Variants in OR7A17 observed in about 807,000 individuals in gnomAD.
OR7A17 encodes olfactory receptor 7A17.
For missense variants in OR7A17, 366 were observed against 365.5 expected (o/e 1.00, Z -0.01); for synonymous variants, 159 against 142.1 (o/e 1.12, Z -0.85).
Position 14,880,498 on chromosome 19 carries a change from G to A in OR7A17, c.858C>T (p.Asn286=). The A allele has an allele frequency of 1.2e-6, 2 of 1,614,076 alleles. No individual in the cohort carries two copies. Among genetic ancestry groups the A allele is most frequent in the Non-Finnish European group, 1.7e-6 (2 of 1,179,978 alleles). The change falls in exon 3 of 3, where the codon AAC becomes AAT. Residue 286 remains asparagine (N), a synonymous_variant. Transcript: ENST00000641113. Reference sequence around the variant, plus strand: ...TATTCCTCAGACTGTAGATAAAGGGGTTCAGCATGGGGGTGGCCACAGTGT... The same window carrying A: ...TATTCCTCAGACTGTAGATAAAGGGATTCAGCATGGGGGTGGCCACAGTGT... The part of the protein sequence containing the change: ...VMYTVATPML[N]PFIYSLRNKD...
In OR7A17 at chr19:14,879,376, C is replaced by T. The variant is rs2045094694; in HGVS notation, c.*1050G>A. Reference sequence around the variant, plus strand: ...TCCCGGGTTCAAACCATTCTCCTGCCTCAGTCTCCTGCGTAGCTGGGATTA... The same window carrying T: ...TCCCGGGTTCAAACCATTCTCCTGCTTCAGTCTCCTGCGTAGCTGGGATTA... On this transcript the variant is annotated 3_prime_UTR_variant, in exon 3 of 3. Transcript: ENST00000641113. 2.6e-5 allele frequency: 4 copies of T among 151,988 alleles called. No homozygotes were observed. In the South Asian group the frequency reaches 8.3e-4, roughly 31 times the overall value. The allele number at this position is 151,988 out of a possible 1,614,324, so 9.4% of individuals were successfully genotyped here.
chr19:14,884,010 G>A (rs1367455297), intron 1 of OR7A17, among the ~76,000 whole-genome samples: 1 of 152,106 alleles, frequency 6.6e-6, no homozygotes, highest in Non-Finnish European at 1.5e-5. Context: ...AGTTGCAAAA[G>A]ACCAGATTGT....
Position 14,881,120 on chromosome 19 carries a change from G to T in OR7A17, c.236C>A (p.Pro79Gln). The change falls in exon 3 of 3, where the codon CCA (proline) becomes CAA (glutamine). Residue 79 changes from proline (P) to glutamine (Q), a missense_variant. Physicochemically the swap from Pro to Gln is moderately conservative, Grantham distance 76. Transcript: ENST00000641113. ...ADICFISTTI[P>Q]KMLINIQTQS... ...TGTCTGGATGTTAATGAGCATCTTT[G>T]GGATTGTAGTGGAGATGAAACAGAT... 1 of 1,614,148 alleles carries T rather than the reference G, an allele frequency of 6.2e-7. No individual in the cohort carries two copies.
chr19:14,884,620 G>A (rs1365798573), intron 1 of OR7A17: 2 of 152,154 alleles, frequency 1.3e-5, no homozygotes, highest in Non-Finnish European at 2.9e-5. Flanking sequence ...CTGAAATTGA[G>A]GCAGTAATTA....
At chr19:14,882,563 G>A (rs187099890) in intron 1 of OR7A17, among the ~76,000 whole-genome samples, 50 of 152,360 alleles carry the variant, frequency 3.3e-4, no homozygotes, top group African/African-American at 1.2e-3. Flanking sequence ...AGAAGATGTT[G>A]TGGGATGAGG....
At chr19:14,883,681 T>G (rs2045123235) in intron 1 of OR7A17, among the ~76,000 whole-genome samples, 1 of 152,136 alleles carries the variant, frequency 6.6e-6, no homozygotes, top group African/African-American at 2.4e-5. Context: ...TAGAAAAAAA[T>G]TAAAGCAATG....
At position 14,885,998 on chromosome 19, in the gene OR7A17, A is replaced by G. The variant is rs1193191930; in HGVS notation, c.-352T>C. On this transcript the variant is annotated 5_prime_UTR_variant, in exon 1 of 3. Coordinates refer to ENST00000641113, the MANE Select transcript of OR7A17 (RefSeq NM_030901.2). ...GGAGAAGTGTAAATTCCTCTCTAGC[A>G]GGTTGATGGTGGAGATGGAATCTCT... is the stretch of plus-strand genomic sequence containing the variant. 2 of 152,170 alleles carry G rather than the reference A, an allele frequency of 1.3e-5. No homozygotes were observed. The highest frequency in any genetic ancestry group is 4.8e-5 in the African/African-American group (2 of 41,432). 9.4% of individuals were successfully genotyped at this position (152,170 alleles called of 1,614,324 possible). A position where few individuals can be genotyped will look rare whatever the true frequency, so the allele number is the denominator to read the frequency against.
chr19:14,882,613 C>T (rs2045117659), intron 1 of OR7A17, among the ~76,000 whole-genome samples: 2 of 152,212 alleles, frequency 1.3e-5, no homozygotes, highest in South Asian at 2.1e-4. Flanking sequence ...ACAAGGAGTC[C>T]GTCTGACCAG....
At position 14,880,829 on chromosome 19, in the gene OR7A17, T is replaced by TGGG. The variant is rs1353721772; in HGVS notation, c.524_526dup (p.Pro175dup). 3.1e-6 allele frequency: 5 copies of TGGG among 1,613,880 alleles called. No individual in the cohort carries two copies. In the East Asian group the frequency reaches 1.1e-4, roughly 36 times the overall value. ...GACCTGATTAAGTTCACAGAAAAAGTGGGGGATTTCCAAGTCTGTGCAGAA... is the reference window on the plus strand; with the variant it reads ...GACCTGATTAAGTTCACAGAAAAAGTGGGGGGGGATTTCCAAGTCTGTGCAGAA... On this transcript the variant is annotated inframe_insertion, in exon 3 of 3. Coordinates refer to ENST00000641113, the MANE Select transcript of OR7A17 (RefSeq NM_030901.2).
Position 14,884,626 on chromosome 19 carries a change from A to G in OR7A17, c.-295+1315T>C, listed in dbSNP as rs550115493. The G allele has an allele frequency of 2.0e-5, 3 of 152,340 alleles. No individual in the cohort carries two copies. The East Asian group carries it at 5.8e-4, about 29-fold the overall frequency. 9.4% of individuals were successfully genotyped at this position (152,340 alleles called of 1,614,324 possible). A position where few individuals can be genotyped will look rare whatever the true frequency, so the allele number is the denominator to read the frequency against. On this transcript the variant is annotated intron_variant, in intron 1 of 2. Transcript: ENST00000641113. ...TAACAAGTTCTGAAATTGAGGCAGT[A>G]ATTAATAGCCTACCAACCAAAAAGA...
At chr19:14,883,874 T>C (rs2045124356) in intron 1 of OR7A17, among the ~76,000 whole-genome samples, 1 of 152,208 alleles carries the variant, frequency 6.6e-6, no homozygotes, top group Admixed American at 6.5e-5. Context: ...GACATAAAAT[T>C]ATATAATACA....
At chr19:14,882,134 A>G (rs1461476586) in intron 1 of OR7A17, among the ~76,000 whole-genome samples, 1 of 151,980 alleles carries the variant, frequency 6.6e-6, no homozygotes, top group African/African-American at 2.4e-5. Context: ...CATGTATTCT[A>G]CAGTATCATT....
chr19:14,883,452 A>G (rs1027011758), intron 1 of OR7A17, among the ~76,000 whole-genome samples: 5 of 152,092 alleles, frequency 3.3e-5, no homozygotes, highest in African/African-American at 1.2e-4. Context: ...AAAAAAGAAA[A>G]AAAAAAAGAA....
In OR7A17 at chr19:14,881,044, A is replaced by C. The variant is rs751448719; in HGVS notation, c.312T>G (p.Phe104Leu). 2.5e-6 allele frequency: 4 copies of C among 1,614,176 alleles called. No homozygotes were observed. The South Asian group carries it at 3.3e-5, about 13-fold the overall frequency. The change falls in exon 3 of 3, where the codon TTT (phenylalanine) becomes TTG (leucine). Residue 104 changes from phenylalanine (F) to leucine (L), a missense_variant. Physicochemically the swap from Phe to Leu is conservative, Grantham distance 22 (BLOSUM62 0). Transcript: ENST00000641113. ...YAGCITQMCF[F>L]VLFGGLDSLL... ...AGCTGTCTAACCCTCCAAAAAGTAC[A>C]AAAAAGCACATCTGGGTGATGCAGC...
chr19:14,883,009 C>T (rs2045119898), intron 1 of OR7A17, among the ~76,000 whole-genome samples: 1 of 152,218 alleles, frequency 6.6e-6, no homozygotes, highest in African/African-American at 2.4e-5. Context: ...CATTTCTCTT[C>T]TTTAATTATT....
chr19:14,880,832 G>A lies in OR7A17; in HGVS notation c.524C>T (p.Pro175Leu). Residue 175 changes from proline (P) to leucine (L), a missense_variant, in exon 3 of 3, where the codon CCC becomes CTC. By Grantham distance (98) the Pro-to-Leu change is moderately conservative. Transcript: ENST00000641113. ...CTGATTAAGTTCACAGAAAAAGTGG[G>A]GGATTTCCAAGTCTGTGCAGAAGGA... ...WLSFCTDLEI[P>L]HFFCELNQVI... 6.2e-7 allele frequency: 1 copy of A among 1,614,200 alleles called. No individual in the cohort carries two copies. The highest frequency in any genetic ancestry group is 8.5e-7 in the Non-Finnish European group (1 of 1,180,040).
At position 14,880,752 on chromosome 19, in the gene OR7A17, C is replaced by A. The variant is rs766003970; in HGVS notation, c.604G>T (p.Ala202Ser). 1 of 1,614,194 alleles carries A rather than the reference C, an allele frequency of 6.2e-7. No individual in the cohort carries two copies. The highest frequency in any genetic ancestry group is 1.1e-5 in the South Asian group (1 of 91,078). Residue 202 changes from alanine (A) to serine (S), a missense_variant, in exon 3 of 3, where the codon GCA becomes TCA. Coordinates refer to ENST00000641113, the MANE Select transcript of OR7A17 (RefSeq NM_030901.2). ...TFLNDMGMYF[A>S]AGLLAGGPLV... The stretch of plus-strand genomic sequence containing the variant: ...GGACCACCAGCCAGCAGCCCTGCTG[C>A]AAAATACATCCCCATGTCATTAAGA...
rs932407784 is a variant in OR7A17 at position 14,884,246 on chromosome 19, A to G, written c.-295+1695T>C. On this transcript the variant is annotated intron_variant, in intron 1 of 2. Coordinates refer to ENST00000641113, the MANE Select transcript of OR7A17 (RefSeq NM_030901.2). The stretch of plus-strand genomic sequence containing the variant: ...AAAGTAGACATATTTTTAGGTAAAT[A>G]AAAGTTAAAACTTTTTATGACCAAA... 5.3e-5 allele frequency among the ~76,000 whole-genome samples: 8 copies of G among 152,354 alleles called. 1 individual carries two copies. The highest frequency in any genetic ancestry group is 4.6e-4 in the Admixed American group (7 of 15,302).
intron 1 of OR7A17, among the ~76,000 whole-genome samples, chr19:14,885,452 CA>C (rs1271700638): frequency 6.6e-6 from 1 of 152,090 alleles, no homozygotes; most frequent in Non-Finnish European, 1.5e-5. Flanking sequence ...AATCAATGTG[CA>C]AAAATCACAA....
Sources: allele counts gnomAD v4.1 joint callset (sites outside exome capture counted in the v4.1 genomes callset), GRCh38; gene constraint gnomAD v4.1.1; transcripts MANE v1.5; gene names NCBI Gene and HGNC (gene_info 2026-07-23, HGNC 2026-07-21).